Variants in GALNT13 observed in about 807,000 individuals in gnomAD.
The protein encoded by GALNT13 is UDP-GalNAc:polypeptide N-acetylgalactosaminyltransferase 13.
In GALNT13, 28 loss-of-function variants were observed where a neutral mutation model predicts 64.2. The ratio of observed to expected loss-of-function variants is 0.44; its 90% CI spans 0.32 to 0.60. GALNT13 has a LOEUF of 0.60. GALNT13 is among the 20% of genes least tolerant of loss of function. The pLI, the probability that GALNT13 is intolerant of heterozygous loss-of-function variation, is 0.05. For synonymous variants in GALNT13, 214 were observed against 224.6 expected (o/e 0.95, Z 0.42); for missense variants, 577 against 669.8 (o/e 0.86, Z 1.53).
chr2:154,280,230 G>A (rs1326542700), intron 8 of GALNT13, among the ~76,000 whole-genome samples: 1 of 152,140 alleles, frequency 6.6e-6, no homozygotes, highest in African/African-American at 2.4e-5. Context: ...AATGCAAACT[G>A]ATGACTAGAC....
chr2:153,776,404 A>C, the GALNT13 span, among the ~76,000 whole-genome samples: 147 of 152,346 alleles, frequency 9.6e-4, no homozygotes, highest in Non-Finnish European at 1.6e-3. Flanking sequence ...AATGTGTTCA[A>C]TAAGGCCAAA....
the GALNT13 span, among the ~76,000 whole-genome samples, chr2:153,243,551 G>A: frequency 3.3e-5 from 5 of 152,196 alleles, no homozygotes; most frequent in East Asian, 7.7e-4. Flanking sequence ...GACTACTGGA[G>A]AAACAGTTTT....
intron 7 of GALNT13, among the ~76,000 whole-genome samples, chr2:154,252,770 GA>G (rs1690152002): frequency 7.3e-6 from 1 of 137,082 alleles, no homozygotes; most frequent in African/African-American, 2.6e-5. Flanking sequence ...TAGATAGATA[GA>G]TAGATAGATA....
At chr2:153,526,287 A>C in the GALNT13 span, among the ~76,000 whole-genome samples, 1 of 152,260 alleles carries the variant, frequency 6.6e-6, no homozygotes, top group Non-Finnish European at 1.5e-5. Context: ...AACCCAGCAC[A>C]ATCCTAGTGG....
At chr2:153,297,458 A>G in the GALNT13 span, among the ~76,000 whole-genome samples, 1 of 152,218 alleles carries the variant, frequency 6.6e-6, no homozygotes, top group Non-Finnish European at 1.5e-5. Context: ...TTTTGAGAGA[A>G]AGAATTTTAA....
intron 3 of GALNT13, among the ~76,000 whole-genome samples, chr2:153,991,041 C>T (rs941379315): frequency 1.3e-5 from 2 of 152,156 alleles, no homozygotes; most frequent in Non-Finnish European, 2.9e-5. Flanking sequence ...GTTCAACTGA[C>T]CTTTGGGAAG....
chr2:153,980,750 T>G (rs1268678310), intron 3 of GALNT13, among the ~76,000 whole-genome samples: 1 of 152,180 alleles, frequency 6.6e-6, no homozygotes, highest in Non-Finnish European at 1.5e-5. Context: ...ATAAACCTTT[T>G]AAATTTGTCT....
At chr2:154,280,410 G>C (rs957862188) in intron 8 of GALNT13, among the ~76,000 whole-genome samples, 6 of 152,038 alleles carry the variant, frequency 3.9e-5, no homozygotes, top group African/African-American at 1.4e-4. Flanking sequence ...TGCCAGCCAG[G>C]ATCTTAGAAA....
intron 3 of GALNT13, among the ~76,000 whole-genome samples, chr2:153,989,582 G>C (rs1695028011): frequency 6.6e-6 from 1 of 152,012 alleles, no homozygotes; most frequent in African/African-American, 2.4e-5. Flanking sequence ...ATGTGGAAGA[G>C]TACTCTTGGC....
chr2:153,332,618 T>A, the GALNT13 span, among the ~76,000 whole-genome samples: 2 of 151,088 alleles, frequency 1.3e-5, no homozygotes, highest in Non-Finnish European at 3.0e-5. Flanking sequence ...TGCCCCTATA[T>A]CCCTATGCAC....
chr2:153,984,969 G>T (rs993434627), intron 3 of GALNT13, among the ~76,000 whole-genome samples: 1 of 151,756 alleles, frequency 6.6e-6, no homozygotes, highest in Non-Finnish European at 1.5e-5. Flanking sequence ...TGACTAGGGG[G>T]TCAAATCCTG....
the GALNT13 span, among the ~76,000 whole-genome samples, chr2:153,662,750 G>T: frequency 6.6e-6 from 1 of 152,058 alleles, no homozygotes; most frequent in African/African-American, 2.4e-5. Flanking sequence ...TGAGCTGTGG[G>T]TTTACTATTT....
the GALNT13 span, among the ~76,000 whole-genome samples, chr2:153,774,264 G>A: frequency 7.9e-5 from 12 of 151,948 alleles, 1 homozygote; most frequent in Admixed American, 7.9e-4. Flanking sequence ...TAAATGCTTA[G>A]TAAATATTGC....
At chr2:153,794,017 C>T in the GALNT13 span, among the ~76,000 whole-genome samples, 765 of 152,158 alleles carry the variant, frequency 5.0e-3, 5 homozygotes, top group African/African-American at 0.018. Flanking sequence ...AATTTTCAGA[C>T]GGTAGAAGGA....
At chr2:153,870,231 G>A (rs771659385), upstream of GALNT13, among the ~76,000 whole-genome samples, 7 of 152,250 alleles carry the variant, frequency 4.6e-5, no homozygotes, top group South Asian at 2.1e-4. Flanking sequence ...TTGGGACTAC[G>A]TAAATATCCA....
At chr2:153,203,369 A>T in the GALNT13 span, among the ~76,000 whole-genome samples, 1 of 152,244 alleles carries the variant, frequency 6.6e-6, no homozygotes, top group Non-Finnish European at 1.5e-5. Flanking sequence ...AAAGCAACAC[A>T]TTGAAAATAG....
At chr2:154,394,302 G>A (rs1698958622) in intron 9 of GALNT13, among the ~76,000 whole-genome samples, 1 of 151,986 alleles carries the variant, frequency 6.6e-6, no homozygotes, top group East Asian at 1.9e-4. Context: ...TTCATGACGT[G>A]AAAATTATGT....
the GALNT13 span, among the ~76,000 whole-genome samples, chr2:153,604,909 G>GT: frequency 4.7e-4 from 72 of 152,066 alleles, no homozygotes; most frequent in African/African-American, 1.7e-3. Context: ...ACAGACTAGA[G>GT]TATAGTGACT....
chr2:154,407,013 A>G (rs1351347649), intron 10 of GALNT13, among the ~76,000 whole-genome samples: 1 of 152,184 alleles, frequency 6.6e-6, no homozygotes, highest in Non-Finnish European at 1.5e-5. Context: ...AATTTGTCAA[A>G]GAGTAAGAGG....
Sources: allele counts gnomAD v4.1 joint callset (sites outside exome capture counted in the v4.1 genomes callset), GRCh38; gene constraint gnomAD v4.1.1; transcripts MANE v1.5; gene names NCBI Gene and HGNC (gene_info 2026-07-23, HGNC 2026-07-21).